The following RIF1 variants were observed in gnomAD, a reference collection of about 807,000 sequenced individuals.
RIF1 encodes telomere-associated protein RIF1.
Under a neutral mutation model 247.1 loss-of-function variants are expected in RIF1, and 45 were observed. The ratio of observed to expected loss-of-function variants is 0.18; its 90% confidence interval spans 0.14 to 0.23. RIF1 has a LOEUF of 0.23. Ranked by LOEUF, RIF1 falls within the 10% of genes least tolerant of loss-of-function variation. RIF1 has a pLI of 1.00. For synonymous variants in RIF1, 1,087 were observed against 978.8 expected (o/e 1.11, Z -2.06); for missense variants, 2,967 against 2,862.5 (o/e 1.04, Z -0.83).
At chr2:151,534,279 T>C in the RIF1 span, 1 of 1,613,712 alleles carries the variant, frequency 6.2e-7, no homozygotes, top group East Asian at 2.2e-5. Context: ...TACCAGGTGG[T>C]ATTTATCTTT....
chr2:151,451,140 T>C (rs1057124966), intron 20 of RIF1, among the ~76,000 whole-genome samples: 2 of 152,182 alleles, frequency 1.3e-5, no homozygotes, highest in Admixed American at 6.5e-5. Flanking sequence ...CTCATAACAA[T>C]GTGTCAGTCA....
rs181796007 is a variant in RIF1, at chr2:151,425,925, C to A, written c.787-2859C>A. Among the ~76,000 whole-genome samples the A allele has an allele frequency of 1.4e-3, 216 of 151,622 alleles. 1 individual carries two copies. The highest frequency in any genetic ancestry group is 5.1e-3 in the African/African-American group (209 of 41,378). ...AACTTCTGAGCTCTAGAGATCCACCCGCCTCGACCTCCCAAAGTGCTGGGA... is the reference window on the plus strand; with the variant it reads ...AACTTCTGAGCTCTAGAGATCCACCAGCCTCGACCTCCCAAAGTGCTGGGA... On this transcript the variant is annotated intron_variant, in intron 8 of 35. Coordinates refer to ENST00000444746, the MANE Select transcript of RIF1 (RefSeq NM_018151.5).
downstream of RIF1, among the ~76,000 whole-genome samples, chr2:151,510,313 T>C (rs1462727026): frequency 6.6e-6 from 1 of 152,220 alleles, no homozygotes; most frequent in Non-Finnish European, 1.5e-5. Context: ...CATTATTTTG[T>C]TATGCTTTAA....
chr2:151,411,406 T>C (rs944298348), intron 3 of RIF1, 68 bp downstream of exon 3: 5 of 1,120,210 alleles, frequency 4.5e-6, no homozygotes, highest in Non-Finnish European at 6.6e-6. Flanking sequence ...GTTTTGTTTT[T>C]TTGTTTTGAG....
At chr2:151,430,645 T>C (rs1689936096) in intron 9 of RIF1, among the ~76,000 whole-genome samples, 1 of 152,056 alleles carries the variant, frequency 6.6e-6, no homozygotes, top group Non-Finnish European at 1.5e-5. Flanking sequence ...TTTAAAATAC[T>C]GGTACATTTT....
intron 21 of RIF1, among the ~76,000 whole-genome samples, chr2:151,454,518 A>C (rs1694878604): frequency 6.6e-6 from 1 of 152,122 alleles, no homozygotes; most frequent in African/African-American, 2.4e-5. Flanking sequence ...TAACTTTCAA[A>C]ATTTAAATTT....
chr2:151,520,269 A>C, the RIF1 span, among the ~76,000 whole-genome samples: 2 of 152,200 alleles, frequency 1.3e-5, no homozygotes, highest in African/African-American at 4.8e-5. Flanking sequence ...TCATTTAAAA[A>C]TTATTAAACT....
rs1559329066 is a variant in RIF1 at position 151,505,523 on chromosome 2, C to T, written c.*862-687C>T. The stretch of plus-strand genomic sequence containing the variant: ...TCTCCTTCACACGTTTCACTTCAGG[C>T]AGGTCAGGGATTGGAGTTCCTTGTC... On this transcript the variant is annotated intron_variant and NMD_transcript_variant, in intron 12 of 13. Coordinates refer to the RIF1 transcript ENST00000454583. 4 of 1,613,686 alleles carry T rather than the reference C, an allele frequency of 2.5e-6. No homozygotes were observed. Among genetic ancestry groups the T allele is most frequent in the African/African-American group, 1.3e-5 (1 of 74,898 alleles).
rs754447382 is a variant in RIF1 at position 151,469,790 on chromosome 2, A to G, written c.7021A>G (p.Ile2341Val). ...GDLSTLTASE[I>V]KTLPIRSPKV... ...TTTGAGTACTCTTACAGCATCTGAAATAAAAACTCTTCCTATCCGTTCTCC... is the reference window on the plus strand; with the variant it reads ...TTTGAGTACTCTTACAGCATCTGAAGTAAAAACTCTTCCTATCCGTTCTCC... The change falls in exon 34 of 36, where the codon ATA becomes GTA. Residue 2341 changes from isoleucine (I) to valine (V), a missense_variant. This residue lies in a region of RIF1 where 151 missense variants were observed against 163.4 expected (regional missense o/e 0.92). Transcript: ENST00000444746. The G allele has an allele frequency of 8.1e-6, 13 of 1,612,314 alleles. No homozygotes were observed. The highest frequency in any genetic ancestry group is 1.1e-5 in the Non-Finnish European group (13 of 1,178,782).
intron 26 of RIF1, among the ~76,000 whole-genome samples, chr2:151,460,520 C>T (rs1298819185): frequency 1.3e-5 from 1 of 78,096 alleles, no homozygotes; most frequent in African/African-American, 3.8e-5. Context: ...GATAAGACAC[C>T]TATGTTCTTA....
At chr2:151,529,136 T>G in the RIF1 span, 1 of 961,494 alleles carries the variant, frequency 1.0e-6, no homozygotes, top group Non-Finnish European at 1.7e-6. Flanking sequence ...CCTGAAGAGA[T>G]GTAAAAAGAG....
chr2:151,491,684 A>G, intron 9 of RIF1: 1 of 1,584,882 alleles, frequency 6.3e-7, no homozygotes, highest in Non-Finnish European at 8.6e-7. Context: ...CTAACACACC[A>G]TTAATCATGT....
Position 151,475,267 on chromosome 2 carries a change from A to C in RIF1, c.*196A>C. The C allele has an allele frequency of 1.8e-6, 1 of 542,552 alleles. No individual in the cohort carries two copies. The highest frequency in any genetic ancestry group is 3.5e-5 in the Admixed American group (1 of 28,476). The allele number at this position is 542,552 out of a possible 1,614,324, so 33.6% of individuals were successfully genotyped here. A position where few individuals can be genotyped will look rare whatever the true frequency, so the allele number is the denominator to read the frequency against. On this transcript the variant is annotated 3_prime_UTR_variant, in exon 36 of 36. Coordinates refer to ENST00000444746, the MANE Select transcript of RIF1 (RefSeq NM_018151.5). ...ATTATGTAAGATCCTTTTTTTTTTC[A>C]TAATATGTATTCTTGGCTGCTATGC...
chr2:151,456,707 G>T, intron 23 of RIF1, 87 bp downstream of exon 23: 1 of 755,958 alleles, frequency 1.3e-6, no homozygotes, highest in Middle Eastern at 2.9e-4. Context: ...TAATTCTGCT[G>T]ATTTTTAAAG....
chr2:151,516,543 A>G, the RIF1 span: 1 of 1,611,218 alleles, frequency 6.2e-7, no homozygotes, highest in Non-Finnish European at 8.5e-7. Flanking sequence ...GTTCCTTTTC[A>G]TACTTTTCTT....
chr2:151,533,783 C>G, the RIF1 span, among the ~76,000 whole-genome samples: 325 of 152,238 alleles, frequency 2.1e-3, 2 homozygotes, highest in African/African-American at 7.3e-3. Context: ...GTTTCACTTA[C>G]GTTACCACCA....
Position 151,435,527 on chromosome 2 carries a change from C to G in RIF1, c.1142C>G (p.Ser381Trp). 1.2e-6 allele frequency: 2 copies of G among 1,612,484 alleles called. No homozygotes were observed. Among genetic ancestry groups the G allele is most frequent in the Non-Finnish European group, 1.7e-6 (2 of 1,178,686 alleles). Residue 381 changes from serine (S) to tryptophan (W), a missense_variant, in exon 11 of 36, where the codon TCG becomes TGG. Physicochemically the swap from Ser to Trp is radical, Grantham distance 177. This residue lies in a region of RIF1 where 369 missense variants were observed against 322.0 expected (regional missense o/e 1.15). Coordinates refer to ENST00000444746, the MANE Select transcript of RIF1 (RefSeq NM_018151.5). ...IDSNASPQGN[S>W]CHVATSPGLN... ...TCTAATGCCTCACCTCAGGGCAATTCGTGTCATGTAGCTACATCTCCAGGT... is the reference window on the plus strand; with the variant it reads ...TCTAATGCCTCACCTCAGGGCAATTGGTGTCATGTAGCTACATCTCCAGGT...
Position 151,494,204 on chromosome 2 carries a change from G to A in RIF1, c.*416-1025G>A. The A allele has an allele frequency of 6.2e-7, 1 of 1,608,262 alleles. No homozygotes were observed. Among genetic ancestry groups the A allele is most frequent in the Non-Finnish European group, 8.5e-7 (1 of 1,176,964 alleles). On this transcript the variant is annotated intron_variant and NMD_transcript_variant, in intron 9 of 13. Coordinates refer to the RIF1 transcript ENST00000454583. ...ATTGCGTTTGACTCTCTGCATCTCA[G>A]GAGTGACAGGGGTTGCGGTGGCTTT...
In RIF1 at chr2:151,458,860, T is replaced by C; in HGVS notation, c.2905T>C (p.Leu969=). 1 of 1,613,386 alleles carries C rather than the reference T, an allele frequency of 6.2e-7. No individual in the cohort carries two copies. Among genetic ancestry groups the C allele is most frequent in the South Asian group, 1.1e-5 (1 of 90,998 alleles). Residue 969 remains leucine (L), a synonymous_variant, in exon 25 of 36, where the codon TTG becomes CTG. Transcript: ENST00000444746. ...KQKFLLLLPG[L]ETVEMMEESS... ...AAAATTTCTGCTCCTGTTGCCTGGT[T>C]TGGAAACTGTTGAAATGATGGAGGA...
Sources: gnomAD v4.1 joint callset for allele counts (sites outside exome capture counted in the v4.1 genomes callset) on GRCh38, gnomAD v4.1.1 for gene constraint, gnomAD v4.1.1 regional missense constraint, MANE v1.5 for transcripts, NCBI Gene and HGNC (gene_info 2026-07-23, HGNC 2026-07-21) for gene names.